The following ZNF469 variants were observed in gnomAD, a reference collection of about 807,000 sequenced individuals.
The protein encoded by ZNF469 is zinc finger protein 469.
A neutral mutation model predicts 1.0 loss-of-function variants in ZNF469; 1 was observed. That is an observed-to-expected ratio of 1.00 (90% CI 0.35 to 4.73). The LOEUF (loss-of-function observed/expected upper bound fraction) is 4.73, where lower values mean the gene tolerates loss of function less well. ZNF469 is among the 30% of genes most tolerant of loss of function. The probability of loss-of-function intolerance (pLI) is 0.16; values close to 1 mark genes in which losing one functional copy is unlikely to be tolerated. For synonymous variants in ZNF469, 2,703 were observed against 2,363.4 expected, an observed-to-expected ratio of 1.14 and a Z score of -4.17; for missense variants, 6,100 against 5,356.3, an observed-to-expected ratio of 1.14 and a Z score of -4.33.
chr16:88,200,201 C>T, the ZNF469 span, among the ~76,000 whole-genome samples: 38 of 152,244 alleles, frequency 2.5e-4, no homozygotes, highest in African/African-American at 7.9e-4. Flanking sequence ...ACGCAGAAGG[C>T]GGCATTTGGG....
At chr16:88,349,379 C>A in the ZNF469 span, among the ~76,000 whole-genome samples, 1 of 151,692 alleles carries the variant, frequency 6.6e-6, no homozygotes, top group Non-Finnish European at 1.5e-5. Context: ...ACACACACAC[C>A]ACACACAAGG....
chr16:88,425,840 C>T (rs531692148), intron 2 of ZNF469, among the ~76,000 whole-genome samples: 4 of 151,968 alleles, frequency 2.6e-5, no homozygotes, highest in Admixed American at 6.5e-5. Flanking sequence ...AAGGGGCACC[C>T]GGGCCCCCCA....
At chr16:88,120,611 C>A in the ZNF469 span, among the ~76,000 whole-genome samples, 1 of 152,332 alleles carries the variant, frequency 6.6e-6, no homozygotes, top group South Asian at 2.1e-4. Flanking sequence ...AGGGACGGAG[C>A]CGCCCTGTCC....
chr16:88,310,910 C>T, the ZNF469 span, among the ~76,000 whole-genome samples: 541 of 152,312 alleles, frequency 3.6e-3, 28 homozygotes, highest in South Asian at 0.089. Flanking sequence ...ATCTCACCCT[C>T]TCACGGTGCC....
At position 88,438,303 on chromosome 16, in the gene ZNF469, G is replaced by A. The variant is rs550409509; in HGVS notation, c.10833G>A (p.Ala3611=). The A allele has an allele frequency of 3.7e-5, 57 of 1,549,132 alleles. No individual in the cohort carries two copies. Among genetic ancestry groups the A allele is most frequent in the Non-Finnish European group, 4.2e-5 (48 of 1,146,002 alleles). Residue 3611 remains alanine, a synonymous_variant, in exon 3 of 3, where the codon GCG becomes GCA. Coordinates refer to ENST00000565624, the MANE Select transcript of ZNF469 (RefSeq NM_001367624.2). ...LPRPGARGQD[A]EGKRAPLVFS... is the part of the protein sequence containing the mutation. ...GGCCGGGAGCCAGAGGCCAAGATGCGGAGGGAAAGAGGGCTCCTCTCGTGT... is the reference window on the plus strand; with the variant it reads ...GGCCGGGAGCCAGAGGCCAAGATGCAGAGGGAAAGAGGGCTCCTCTCGTGT...
Position 88,427,831 on chromosome 16 carries a change from A to C in ZNF469, c.361A>C (p.Ile121Leu). The change falls in exon 3 of 3, where the codon ATT (isoleucine) becomes CTT (leucine). Residue 121 changes from isoleucine (I) to leucine (L), a missense_variant. Coordinates refer to ENST00000565624, the MANE Select transcript of ZNF469 (RefSeq NM_001367624.2). The stretch of plus-strand genomic sequence containing the variant: ...AGAGGGCAGCCCCCCACAGCGCTAC[A>C]TTCTGGGCATCGCCAGCTCGAGGAC... ...RAEGSPPQRY[I>L]LGIASSRTKP... 1 of 1,548,976 alleles carries C rather than the reference A, an allele frequency of 6.5e-7. No individual in the cohort carries two copies. Among genetic ancestry groups the C allele is most frequent in the Non-Finnish European group, 8.7e-7 (1 of 1,146,784 alleles).
At chr16:88,119,722 TG>T in the ZNF469 span, among the ~76,000 whole-genome samples, 1 of 152,164 alleles carries the variant, frequency 6.6e-6, no homozygotes, top group Non-Finnish European at 1.5e-5. Flanking sequence ...TGTTCCCAGG[TG>T]GCTGCCTCTC....
chr16:88,356,224 G>A, the ZNF469 span, among the ~76,000 whole-genome samples: 1 of 152,300 alleles, frequency 6.6e-6, no homozygotes, highest in East Asian at 1.9e-4. Context: ...TTCAATGTGG[G>A]AGCCGTGGGT....
At chr16:88,162,717 C>T in the ZNF469 span, among the ~76,000 whole-genome samples, 1 of 151,648 alleles carries the variant, frequency 6.6e-6, no homozygotes, top group Non-Finnish European at 1.5e-5. Flanking sequence ...GGCAGTTTCC[C>T]TTGCCACCCT....
chr16:88,104,470 T>C, the ZNF469 span, among the ~76,000 whole-genome samples: 1 of 152,042 alleles, frequency 6.6e-6, no homozygotes, highest in Non-Finnish European at 1.5e-5. Context: ...CCGGCCCCTT[T>C]CATTACCCCG....
the ZNF469 span, among the ~76,000 whole-genome samples, chr16:88,209,136 C>G: frequency 6.6e-6 from 1 of 151,974 alleles, no homozygotes; most frequent in African/African-American, 2.4e-5. Context: ...TAAACTTAAC[C>G]TGGTTCCACA....
the ZNF469 span, among the ~76,000 whole-genome samples, chr16:88,332,858 C>G: frequency 2.2e-3 from 341 of 152,346 alleles, 1 homozygote; most frequent in African/African-American, 7.9e-3. Flanking sequence ...GACGAGAAGA[C>G]CAAGGCCCCG....
the ZNF469 span, among the ~76,000 whole-genome samples, chr16:88,192,721 A>ATGATGGTGTTGATAATGGTGG: frequency 5.9e-5 from 9 of 151,938 alleles, no homozygotes; most frequent in African/African-American, 1.9e-4. Flanking sequence ...AATGGTGGTG[A>ATGATGGTGTTGATAATGGTGG]TGATGGTGTT....
the ZNF469 span, among the ~76,000 whole-genome samples, chr16:88,118,124 G>A: frequency 7.2e-4 from 110 of 152,224 alleles, no homozygotes; most frequent in Non-Finnish European, 1.2e-3. Flanking sequence ...TGTATTTTTA[G>A]TAGAGACGGG....
At chr16:88,407,827 G>A (rs1905060178) in intron 1 of ZNF469, among the ~76,000 whole-genome samples, 1 of 152,258 alleles carries the variant, frequency 6.6e-6, no homozygotes. Flanking sequence ...CCCTGCTGGT[G>A]CCCACTCTGT....
chr16:88,410,044 T>C (rs1273574429), intron 1 of ZNF469, among the ~76,000 whole-genome samples: 1 of 149,172 alleles, frequency 6.7e-6, no homozygotes, highest in Non-Finnish European at 1.5e-5. Flanking sequence ...TCAGAGCAGA[T>C]ACTGGGAAAG....
the ZNF469 span, among the ~76,000 whole-genome samples, chr16:88,291,414 TC>T: frequency 6.6e-6 from 1 of 152,136 alleles, no homozygotes; most frequent in African/African-American, 2.4e-5. Flanking sequence ...CAGCCCACTT[TC>T]CCCTCAATAA....
At chr16:88,265,950 G>A in the ZNF469 span, among the ~76,000 whole-genome samples, 10,459 of 152,252 alleles carry the variant, frequency 0.069, 1,182 homozygotes, top group African/African-American at 0.24. Context: ...CCCAGAGGGG[G>A]TGGGATTGGC....
chr16:88,256,908 T>TCTCTCTCTCTCTCTCTCTCTCTC, the ZNF469 span, among the ~76,000 whole-genome samples: 5 of 25,690 alleles, frequency 1.9e-4, no homozygotes, highest in African/African-American at 6.4e-4. Context: ...CTTTCTTTCT[T>TCTCTCTCTCTCTCTCTCTCTCTC]TCTTTCTTTC....
Sources: gnomAD v4.1 joint callset for allele counts (sites outside exome capture counted in the v4.1 genomes callset) on GRCh38, gnomAD v4.1.1 for gene constraint, MANE v1.5 for transcripts, NCBI Gene and HGNC (gene_info 2026-07-23, HGNC 2026-07-21) for gene names.